The following ZNF469 variants were observed in gnomAD, a reference collection of about 807,000 sequenced individuals.
The protein encoded by ZNF469 is zinc finger protein 469.
A neutral mutation model predicts 1.0 loss-of-function variants in ZNF469; 1 was observed. That is an observed-to-expected ratio of 1.00 (90% confidence interval 0.35 to 4.73). ZNF469 has a LOEUF of 4.73. Ranked by LOEUF, ZNF469 falls within the 30% of genes most tolerant of loss-of-function variation. The pLI, the probability that ZNF469 is intolerant of heterozygous loss-of-function variation, is 0.16. For synonymous variants in ZNF469, 2,703 were observed against 2,363.4 expected, an observed-to-expected ratio of 1.14 and a Z score of -4.17; for missense variants, 6,100 against 5,356.3, an observed-to-expected ratio of 1.14 and a Z score of -4.33.
At chr16:88,283,603 G>A in the ZNF469 span, among the ~76,000 whole-genome samples, 3 of 152,202 alleles carry the variant, frequency 2.0e-5, no homozygotes, top group African/African-American at 7.2e-5. Context: ...TGGTGGGTTG[G>A]GGGTATCTGT....
At chr16:88,196,702 T>C in the ZNF469 span, among the ~76,000 whole-genome samples, 3 of 152,184 alleles carry the variant, frequency 2.0e-5, no homozygotes, top group African/African-American at 7.2e-5. Flanking sequence ...TTGGTAGCCC[T>C]TTAGTCAGGT....
chr16:88,121,167 T>TG, the ZNF469 span, among the ~76,000 whole-genome samples: 1 of 3,582 alleles, frequency 2.8e-4, no homozygotes, highest in Non-Finnish European at 4.9e-4. Flanking sequence ...CCATGCATTG[T>TG]GGGGTGGGGG....
chr16:88,182,881 A>G, the ZNF469 span, among the ~76,000 whole-genome samples: 60 of 152,286 alleles, frequency 3.9e-4, no homozygotes, highest in Non-Finnish European at 5.4e-4. Flanking sequence ...AAAAGAAAAA[A>G]CTGACAAACT....
At chr16:88,307,770 G>A in the ZNF469 span, among the ~76,000 whole-genome samples, 3 of 152,160 alleles carry the variant, frequency 2.0e-5, no homozygotes, top group African/African-American at 7.2e-5. Context: ...GTTTGCAAAA[G>A]TTTTCTCTCA....
In ZNF469 at chr16:88,435,165, G is replaced by A. The variant is rs769023709; in HGVS notation, c.7695G>A (p.Pro2565=). Residue 2565 remains proline, a synonymous_variant, in exon 3 of 3, where the codon CCG becomes CCA. Transcript: ENST00000565624. ...AQGSKEVLRA[P]GSPHSQQLHP... ...GCTCAAAGGAGGTTCTCAGAGCACC[G>A]GGGTCCCCACACAGCCAGCAGCTGC... 43 of 1,550,222 alleles carry A rather than the reference G, an allele frequency of 2.8e-5. No individual in the cohort carries two copies. In the Middle Eastern group the frequency reaches 5.0e-4, roughly 18 times the overall value.
At chr16:88,196,977 G>GGGTCAT in the ZNF469 span, among the ~76,000 whole-genome samples, 1 of 152,192 alleles carries the variant, frequency 6.6e-6, no homozygotes, top group African/African-American at 2.4e-5. Flanking sequence ...CCTCTCACCT[G>GGGTCAT]GGTCATGTCT....
At chr16:88,381,932 A>G (rs1163390131), upstream of ZNF469, among the ~76,000 whole-genome samples, 1 of 152,274 alleles carries the variant, frequency 6.6e-6, no homozygotes, top group Admixed American at 6.5e-5. Context: ...CTTGCTTTAC[A>G]TAATAAAGGT....
At chr16:88,120,671 C>T in the ZNF469 span, among the ~76,000 whole-genome samples, 3 of 152,216 alleles carry the variant, frequency 2.0e-5, no homozygotes, top group African/African-American at 4.8e-5. Flanking sequence ...GGCTCCCGGG[C>T]GGGCCTCACT....
At chr16:88,368,363 G>A in the ZNF469 span, among the ~76,000 whole-genome samples, 13 of 152,388 alleles carry the variant, frequency 8.5e-5, no homozygotes, top group East Asian at 2.1e-3. Context: ...ACTCAGCTCT[G>A]ATGGAGGCCG....
the ZNF469 span, among the ~76,000 whole-genome samples, chr16:88,373,094 C>T: frequency 1.3e-5 from 2 of 152,238 alleles, no homozygotes; most frequent in African/African-American, 4.8e-5. Context: ...CTTTTAAGTA[C>T]TTGACATTGT....
chr16:88,153,712 A>T, the ZNF469 span, among the ~76,000 whole-genome samples: 1 of 152,234 alleles, frequency 6.6e-6, no homozygotes, highest in South Asian at 2.1e-4. Context: ...GGAGGCTGCA[A>T]GTCCAAGGTC....
chr16:88,356,996 C>T, the ZNF469 span, among the ~76,000 whole-genome samples: 1 of 152,240 alleles, frequency 6.6e-6, no homozygotes, highest in South Asian at 2.1e-4. Context: ...ATGGTGGGTG[C>T]CCAGGCAATG....
At chr16:88,422,282 A>ATGGATGGATGGATGGATGGC (rs1228800918) in intron 1 of ZNF469, among the ~76,000 whole-genome samples, 3 of 1,574 alleles carry the variant, frequency 1.9e-3, no homozygotes, top group Non-Finnish European at 3.2e-3. Context: ...TAGGTGGGTA[A>ATGGATGGATGGATGGATGGC]TGGATGGATG....
At chr16:88,305,449 CAT>C in the ZNF469 span, among the ~76,000 whole-genome samples, 4 of 149,764 alleles carry the variant, frequency 2.7e-5, no homozygotes, top group Non-Finnish European at 5.9e-5. Flanking sequence ...CACACATGCT[CAT>C]AGACACACAC....
At chr16:88,375,678 C>T in the ZNF469 span, among the ~76,000 whole-genome samples, 1 of 152,204 alleles carries the variant, frequency 6.6e-6, no homozygotes, top group Admixed American at 6.5e-5. Context: ...GGGTGCCGGG[C>T]GCCATCGCAG....
the ZNF469 span, among the ~76,000 whole-genome samples, chr16:88,106,559 C>T: frequency 6.6e-6 from 1 of 152,254 alleles, no homozygotes; most frequent in African/African-American, 2.4e-5. Flanking sequence ...CCTGTGCCCA[C>T]GTGTCTAGGC....
chr16:88,163,797 G>T, the ZNF469 span, among the ~76,000 whole-genome samples: 7 of 151,976 alleles, frequency 4.6e-5, no homozygotes, highest in East Asian at 1.4e-3. Context: ...GGGTGGGTAA[G>T]TTGATGAGTG....
chr16:88,294,801 T>C, the ZNF469 span: 1 of 152,468 alleles, frequency 6.6e-6, no homozygotes, highest in Non-Finnish European at 1.5e-5. Flanking sequence ...GCCCTCATAA[T>C]GCCGGGGCCA....
chr16:88,263,951 G>C, the ZNF469 span, among the ~76,000 whole-genome samples: 6 of 152,084 alleles, frequency 3.9e-5, no homozygotes, highest in Non-Finnish European at 8.8e-5. Context: ...CCAGAGCCCT[G>C]GAACAAGCTC....
Sources: gnomAD v4.1 joint callset for allele counts (sites outside exome capture counted in the v4.1 genomes callset) on GRCh38, gnomAD v4.1.1 for gene constraint, MANE v1.5 for transcripts, NCBI Gene and HGNC (gene_info 2026-07-23, HGNC 2026-07-21) for gene names.